ANKS3: variants seen among roughly 807,000 people sequenced by gnomAD.
ANKS3 encodes the protein ankyrin repeat and sterile alpha motif domain containing 3.
ANKS3 carries 62 observed loss-of-function variants against 80.7 expected under a neutral mutation model. The ratio of observed to expected loss-of-function variants is 0.77; its 90% confidence interval spans 0.63 to 0.95. The LOEUF is 0.95. ANKS3 is among the 40% of genes least tolerant of loss of function. ANKS3 has a pLI of 0.00. For missense variants in ANKS3, 1,150 were observed against 883.6 expected, an observed-to-expected ratio of 1.30 and a Z score of -3.82; for synonymous variants, 489 against 355.3, an observed-to-expected ratio of 1.38 and a Z score of -4.23.
intron 7 of ANKS3, among the ~76,000 whole-genome samples, chr16:4,706,007 C>T (rs2080169353): frequency 6.6e-6 from 1 of 151,704 alleles, no homozygotes; most frequent in Admixed American, 6.6e-5. Flanking sequence ...AAGCAATTCT[C>T]CTATCTCAGC....
At chr16:4,726,879 C>A (rs1053151868) in intron 4 of ANKS3, 99 bp from the exon 5 acceptor site, 47 of 1,597,774 alleles carry the variant, frequency 2.9e-5, no homozygotes, top group Non-Finnish European at 3.4e-5. Flanking sequence ...AGTGATTACA[C>A]GAGCACACAC....
chr16:4,700,930 C>A (rs1274654668), intron 11 of ANKS3, 40 bp downstream of exon 11: 1 of 1,612,102 alleles, frequency 6.2e-7, no homozygotes, highest in Admixed American at 1.7e-5. Context: ...CAAAAAGTGC[C>A]GTCTCTGAGT....
intron 7 of ANKS3, among the ~76,000 whole-genome samples, chr16:4,707,281 CTTTT>C (rs112926809): frequency 7.4e-6 from 1 of 135,936 alleles, no homozygotes. Context: ...CGGAAGGACA[CTTTT>C]TTTTTTTTTT....
chr16:4,702,307 G>A (rs998654832), intron 8 of ANKS3, 65 bp from the exon 9 acceptor site: 22 of 1,391,430 alleles, frequency 1.6e-5, no homozygotes, highest in Middle Eastern at 2.1e-4. Flanking sequence ...AGAGGCCGAG[G>A]CCCAGGATGG....
Position 4,698,515 on chromosome 16 carries a change from G to A in ANKS3, c.1636C>T (p.Gln546Ter), listed in dbSNP as rs751113006. 2.6e-6 allele frequency: 4 copies of A among 1,567,326 alleles called. No individual in the cohort carries two copies. Among genetic ancestry groups the A allele is most frequent in the Admixed American group, 1.8e-5 (1 of 55,666 alleles). ...RAVVESCLLE[Q>*]DRAREDLQAR... is the part of the protein sequence containing the mutation. ...TGGAGGTCCTCGCGGGCGCGGTCCT[G>A]CTCCAGCAGGCAGCTCTCCACCACG... Residue 546 changes from glutamine to a stop codon, truncating the protein, a stop_gained, in exon 14 of 18, where the codon CAG (glutamine) becomes TAG (stop). Transcript: ENST00000304283. LOFTEE classifies it high-confidence loss of function.
intron 6 of ANKS3, among the ~76,000 whole-genome samples, chr16:4,719,660 G>A (rs748322906): frequency 6.6e-6 from 1 of 151,782 alleles, no homozygotes; most frequent in Non-Finnish European, 1.5e-5. Flanking sequence ...ACAGCCAGGC[G>A]TGGTAGTGCG....
At chr16:4,721,530 G>A (rs1300462944) in intron 6 of ANKS3, among the ~76,000 whole-genome samples, 1 of 151,348 alleles carries the variant, frequency 6.6e-6, no homozygotes, top group Non-Finnish European at 1.5e-5. Flanking sequence ...AGGATCACTT[G>A]AGACCAGGAG....
intron 13 of ANKS3, 21 bp from the exon 14 acceptor site, chr16:4,698,620 C>T (rs765754354): frequency 1.9e-6 from 3 of 1,539,328 alleles, no homozygotes; most frequent in South Asian, 1.2e-5. Context: ...GTGGGGGGCG[C>T]GGGGAGGCTG....
Position 4,697,164 on chromosome 16 carries a change from C to G in ANKS3, c.1895-60G>C, listed in dbSNP as rs1022679362. The G allele has an allele frequency of 2.5e-6, 4 of 1,589,966 alleles. No homozygotes were observed. In the African/African-American group the frequency reaches 5.4e-5, roughly 21 times the overall value. ...GGCTCAGGAGGGCTGGGTGGTGCTG[C>G]CCCGGGGTCTCAGCTGCAGGATGTG... On this transcript the variant is annotated intron_variant, in intron 16 of 17. Coordinates refer to ENST00000304283, the MANE Select transcript of ANKS3 (RefSeq NM_133450.4).
chr16:4,726,884 A>C, intron 4 of ANKS3, 95 bp downstream of exon 4: 2 of 1,599,334 alleles, frequency 1.3e-6, no homozygotes, highest in African/African-American at 2.7e-5. Context: ...TTACACGAGC[A>C]CACACGAACA....
rs1194176357 is a variant in ANKS3 at position 4,697,023 on chromosome 16, G to A, written c.*5C>T. ...CAGGCTGGCAGACACTCACCGGCCC[G>A]CAGGCTAGGTCTCCCGCCACTTCTT... On this transcript the variant is annotated 3_prime_UTR_variant, in exon 17 of 18. Transcript: ENST00000304283. 4 of 1,611,486 alleles carry A rather than the reference G, an allele frequency of 2.5e-6. No homozygotes were observed. Among genetic ancestry groups the A allele is most frequent in the African/African-American group, 1.3e-5 (1 of 74,870 alleles).
At position 4,705,268 on chromosome 16, in the gene ANKS3, CAAGATT is replaced by C; in HGVS notation, c.710-21_710-16del. On this transcript the variant is annotated splice_polypyrimidine_tract_variant and intron_variant, in intron 7 of 17. Coordinates refer to ENST00000304283, the MANE Select transcript of ANKS3 (RefSeq NM_133450.4). Reference sequence around the variant, plus strand: ...TTCGTACTTTTCTGTGATCAAACACCAAGATTAAGATAGTGTGTTCAGTAATGGACT... The same window carrying C: ...TTCGTACTTTTCTGTGATCAAACACCAAGATAGTGTGTTCAGTAATGGACT... 6.2e-7 allele frequency: 1 copy of C among 1,613,310 alleles called. No homozygotes were observed. The highest frequency in any genetic ancestry group is 1.1e-5 in the South Asian group (1 of 91,002).
At chr16:4,731,782 T>A (rs1176078987) in intron 1 of ANKS3, among the ~76,000 whole-genome samples, 1 of 151,676 alleles carries the variant, frequency 6.6e-6, no homozygotes, top group Non-Finnish European at 1.5e-5. Flanking sequence ...TGGGGGGAAA[T>A]ATAACAGGCC....
In ANKS3 at chr16:4,703,934, G is replaced by A. The variant is rs560659714; in HGVS notation, c.868+1161C>T. 2.0e-5 allele frequency among the ~76,000 whole-genome samples: 3 copies of A among 152,326 alleles called. No individual in the cohort carries two copies. The East Asian group carries it at 5.8e-4, about 29-fold the overall frequency. On this transcript the variant is annotated intron_variant, in intron 8 of 17. Transcript: ENST00000304283. Reference sequence around the variant, plus strand: ...GCTATATAGATTAATTACCAACTCAGCCCCAGGATGACAGCTTCCTTCCTG... The same window carrying A: ...GCTATATAGATTAATTACCAACTCAACCCCAGGATGACAGCTTCCTTCCTG...
At chr16:4,705,061 GAGAA>G in intron 8 of ANKS3, 30 bp downstream of exon 8, 7 of 1,604,886 alleles carry the variant, frequency 4.4e-6, no homozygotes, top group Non-Finnish European at 6.0e-6. Context: ...GGTATGCAAT[GAGAA>G]AGAGCCCTCG....
chr16:4,700,017 G>A (rs536011280), intron 11 of ANKS3: 3 of 152,612 alleles, frequency 2.0e-5, no homozygotes, highest in South Asian at 2.1e-4. Flanking sequence ...TGAAGGGACC[G>A]AGACGTGTGC....
At chr16:4,724,944 A>T in intron 5 of ANKS3, 113 bp from the exon 6 acceptor site, 1 of 797,756 alleles carries the variant, frequency 1.3e-6, no homozygotes, top group Non-Finnish European at 2.1e-6. Flanking sequence ...CCCTAAGCGT[A>T]GAACACTGTC....
At chr16:4,702,661 G>A (rs566461228) in intron 8 of ANKS3, among the ~76,000 whole-genome samples, 10 of 152,256 alleles carry the variant, frequency 6.6e-5, no homozygotes, top group African/African-American at 2.2e-4. Flanking sequence ...CGCTTAGCGG[G>A]CCTCCTCTGG....
At position 4,726,642 on chromosome 16, in the gene ANKS3, A is replaced by G. The variant is rs199784055; in HGVS notation, c.491+17T>C. On this transcript the variant is annotated intron_variant, in intron 5 of 17. Coordinates refer to ENST00000304283, the MANE Select transcript of ANKS3 (RefSeq NM_133450.4). ...CACCTAGGCCACTCCTGTGGCCACTAAAGATGTGGCAATCACCTCACGTTG... is the reference window on the plus strand; with the variant it reads ...CACCTAGGCCACTCCTGTGGCCACTGAAGATGTGGCAATCACCTCACGTTG... 6.8e-6 allele frequency: 11 copies of G among 1,611,886 alleles called. No individual in the cohort carries two copies. In the South Asian group the frequency reaches 9.9e-5, roughly 14 times the overall value.
Sources: gnomAD v4.1 joint callset for allele counts (sites outside exome capture counted in the v4.1 genomes callset) on GRCh38, gnomAD v4.1.1 for gene constraint, MANE v1.5 for transcripts, NCBI Gene and HGNC (gene_info 2026-07-23, HGNC 2026-07-21) for gene names.